CNTNAP2: variants seen among roughly 807,000 people sequenced by gnomAD.
The protein encoded by CNTNAP2 is contactin associated protein 2, also known as contactin-associated protein-like 2.
Under a neutral mutation model 155.2 loss-of-function variants are expected in CNTNAP2, and 98 were observed. The ratio of observed to expected loss-of-function variants is 0.63; its 90% confidence interval spans 0.54 to 0.75. The LOEUF is 0.75. Ranked by LOEUF, CNTNAP2 falls within the 30% of genes least tolerant of loss-of-function variation. The probability of loss-of-function intolerance (pLI) is 0.00; values close to 1 mark genes in which losing one functional copy is unlikely to be tolerated. For synonymous variants in CNTNAP2, 651 were observed against 631.2 expected (o/e 1.03, Z -0.47); for missense variants, 1,727 against 1,688.1 (o/e 1.02, Z -0.40).
intron 14 of CNTNAP2, among the ~76,000 whole-genome samples, chr7:147,964,413 A>C (rs181450440): frequency 2.6e-5 from 4 of 152,278 alleles, no homozygotes; most frequent in African/African-American, 9.6e-5. Context: ...AAAATGACTC[A>C]ATCCTCCACG....
chr7:147,803,609 C>T (rs1798041644), intron 13 of CNTNAP2, among the ~76,000 whole-genome samples: 2 of 152,126 alleles, frequency 1.3e-5, no homozygotes, highest in South Asian at 4.1e-4. Context: ...AAAGGATATC[C>T]CTGGATTTCC....
intron 8 of CNTNAP2, among the ~76,000 whole-genome samples, chr7:147,245,897 C>CTG (rs918917262): frequency 4.0e-5 from 6 of 149,984 alleles, no homozygotes; most frequent in African/African-American, 4.9e-5. Context: ...ATATATGTAT[C>CTG]TGTGTGTGTG....
At chr7:146,398,681 T>G (rs1795669927) in intron 1 of CNTNAP2, among the ~76,000 whole-genome samples, 1 of 152,198 alleles carries the variant, frequency 6.6e-6, no homozygotes, top group Admixed American at 6.5e-5. Context: ...CTGAATATGT[T>G]TTATATTCTC....
intron 8 of CNTNAP2, among the ~76,000 whole-genome samples, chr7:147,234,356 G>C (rs77735209): frequency 6.0e-5 from 1 of 16,560 alleles, no homozygotes; most frequent in East Asian, 2.1e-3. Context: ...TTTTTTTTTT[G>C]AGAAGAAGTC....
intron 8 of CNTNAP2, among the ~76,000 whole-genome samples, chr7:147,199,596 G>GT (rs1563113197): frequency 1.2e-4 from 18 of 151,054 alleles, no homozygotes; most frequent in African/African-American, 4.4e-4. Flanking sequence ...GAATAGAATG[G>GT]GTTTTTTTTT....
At chr7:147,540,284 A>T (rs1328676872) in intron 11 of CNTNAP2, among the ~76,000 whole-genome samples, 1 of 151,766 alleles carries the variant, frequency 6.6e-6, no homozygotes, top group Non-Finnish European at 1.5e-5. Flanking sequence ...TCCTTTACAC[A>T]TCTCTTTCCT....
intron 3 of CNTNAP2, among the ~76,000 whole-genome samples, chr7:146,933,751 A>C (rs1387430113): frequency 2.6e-5 from 4 of 151,778 alleles, no homozygotes; most frequent in African/African-American, 7.2e-5. Context: ...AGAAAAAAAA[A>C]CAAACAACCC....
intron 1 of CNTNAP2, among the ~76,000 whole-genome samples, chr7:146,347,824 C>T (rs1161647709): frequency 6.6e-6 from 1 of 152,152 alleles, no homozygotes; most frequent in Non-Finnish European, 1.5e-5. Flanking sequence ...CCTTGTCCTC[C>T]CATAGTGTTG....
intron 21 of CNTNAP2, among the ~76,000 whole-genome samples, chr7:148,327,888 A>C (rs1304219919): frequency 6.6e-6 from 1 of 151,694 alleles, no homozygotes; most frequent in South Asian, 2.1e-4. Flanking sequence ...TCATCTCCAC[A>C]CTGGATCCAC....
At chr7:146,642,113 TTTG>T in intron 1 of CNTNAP2, among the ~76,000 whole-genome samples, 1 of 152,084 alleles carries the variant, frequency 6.6e-6, no homozygotes, top group Non-Finnish European at 1.5e-5. Flanking sequence ...CAAATTTTGT[TTTG>T]TTTTGTTTTG....
intron 10 of CNTNAP2, among the ~76,000 whole-genome samples, chr7:147,442,128 G>A (rs900975318): frequency 3.3e-4 from 51 of 152,254 alleles, no homozygotes; most frequent in African/African-American, 9.4e-4. Context: ...GGGTTCAGAT[G>A]TGCTGTCTGT....
intron 1 of CNTNAP2, among the ~76,000 whole-genome samples, chr7:146,608,050 ATATT>A (rs1799076507): frequency 6.6e-6 from 1 of 152,334 alleles, no homozygotes; most frequent in East Asian, 1.9e-4. Context: ...AATGTTATCT[ATATT>A]TAAGCATTAT....
In CNTNAP2 at chr7:146,735,484, G is replaced by A. The variant is rs951156817; in HGVS notation, c.98-38787G>A. 1.3e-5 allele frequency among the ~76,000 whole-genome samples: 2 copies of A among 152,082 alleles called. 1 individual carries two copies. The highest frequency in any genetic ancestry group is 2.9e-5 in the Non-Finnish European group (2 of 68,018). ...GCAGGAGAATGGCGTGAACCCGGGA[G>A]GCGGAGCTTGCAGTGAGCCGAGATA... On this transcript the variant is annotated intron_variant, in intron 1 of 23. Coordinates refer to ENST00000361727, the MANE Select transcript of CNTNAP2 (RefSeq NM_014141.6).
chr7:146,625,164 A>T (rs1799397872), intron 1 of CNTNAP2, among the ~76,000 whole-genome samples: 1 of 152,010 alleles, frequency 6.6e-6, no homozygotes, highest in Non-Finnish European at 1.5e-5. Flanking sequence ...TTCATTGTGC[A>T]GAAGATTGAC....
intron 1 of CNTNAP2, among the ~76,000 whole-genome samples, chr7:146,286,801 A>G (rs1563022223): frequency 2.0e-5 from 3 of 152,262 alleles, no homozygotes; most frequent in East Asian, 3.9e-4. Context: ...CTTTAAATCT[A>G]TATGTAATAA....
intron 1 of CNTNAP2, among the ~76,000 whole-genome samples, chr7:146,120,581 T>A (rs1797547219): frequency 6.6e-6 from 1 of 152,210 alleles, no homozygotes; most frequent in African/African-American, 2.4e-5. Flanking sequence ...TATCATATTT[T>A]AAATCTTACA....
chr7:147,054,938 C>T (rs187989426), intron 4 of CNTNAP2, among the ~76,000 whole-genome samples: 339 of 152,230 alleles, frequency 2.2e-3, no homozygotes, highest in Non-Finnish European at 3.4e-3. Flanking sequence ...ATTTTTCTCA[C>T]ATGCTCAAAA....
At chr7:146,621,077 C>G (rs1201765455) in intron 1 of CNTNAP2, among the ~76,000 whole-genome samples, 8 of 152,124 alleles carry the variant, frequency 5.3e-5, no homozygotes, top group Admixed American at 3.9e-4. Context: ...GCCGAATTTT[C>G]TTAGCAAATG....
intron 1 of CNTNAP2, among the ~76,000 whole-genome samples, chr7:146,412,186 C>T (rs1795876200): frequency 6.6e-6 from 1 of 152,130 alleles, no homozygotes; most frequent in African/African-American, 2.4e-5. Flanking sequence ...AGCCACCTTC[C>T]CCCTGGAGCC....
Sources: gnomAD v4.1 joint callset for allele counts (sites outside exome capture counted in the v4.1 genomes callset) on GRCh38, gnomAD v4.1.1 for gene constraint, MANE v1.5 for transcripts, NCBI Gene and HGNC (gene_info 2026-07-23, HGNC 2026-07-21) for gene names.